LGSN: variants seen among roughly 807,000 people sequenced by gnomAD.
LGSN encodes lengsin, lens protein with glutamine synthetase domain.
LGSN carries 21 observed loss-of-function variants against 19.5 expected under a neutral mutation model. That is an observed-to-expected ratio of 1.07 (90% CI 0.76 to 1.55). The LOEUF (loss-of-function observed/expected upper bound fraction) is 1.55. Among genes scored for constraint, LGSN ranks in the 40% most tolerant of loss-of-function variants. The probability of loss-of-function intolerance (pLI) is 0.00; values close to 1 mark genes in which losing one functional copy is unlikely to be tolerated. For synonymous variants in LGSN, 257 were observed against 215.6 expected (o/e 1.19, Z -1.68); for missense variants, 673 against 608.5 (o/e 1.11, Z -1.12).
the LGSN span, among the ~76,000 whole-genome samples, chr6:63,487,468 C>T: frequency 3.3e-5 from 5 of 152,184 alleles, no homozygotes; most frequent in Non-Finnish European, 5.9e-5. Context: ...GCTTGGAAGA[C>T]ATCCAAAAAT....
the LGSN span, among the ~76,000 whole-genome samples, chr6:63,328,312 T>A: frequency 6.6e-6 from 1 of 152,216 alleles, no homozygotes; most frequent in East Asian, 1.9e-4. Flanking sequence ...CTATAATTTG[T>A]TGGCAGTCAT....
chr6:63,434,254 C>G, the LGSN span, among the ~76,000 whole-genome samples: 2 of 151,898 alleles, frequency 1.3e-5, no homozygotes, highest in African/African-American at 4.8e-5. Flanking sequence ...GCCTGGCCAA[C>G]ATGGTGAAAC....
chr6:63,517,445 T>G, the LGSN span, among the ~76,000 whole-genome samples: 1 of 152,064 alleles, frequency 6.6e-6, no homozygotes, highest in Non-Finnish European at 1.5e-5. Flanking sequence ...AAAAAGAAAT[T>G]TAAAATGGAA....
the LGSN span, among the ~76,000 whole-genome samples, chr6:63,442,362 G>A: frequency 6.6e-6 from 1 of 152,164 alleles, no homozygotes; most frequent in Non-Finnish European, 1.5e-5. Flanking sequence ...TGCTAGCTCG[G>A]GCAGCCTGCT....
At chr6:63,311,502 G>C (rs983314970) in intron 1 of LGSN, among the ~76,000 whole-genome samples, 1 of 152,062 alleles carries the variant, frequency 6.6e-6, no homozygotes, top group Non-Finnish European at 1.5e-5. Context: ...GATTTATTTG[G>C]AGCATTGTCC....
the LGSN span, among the ~76,000 whole-genome samples, chr6:63,422,985 A>G: frequency 3.9e-5 from 6 of 152,328 alleles, no homozygotes; most frequent in South Asian, 8.3e-4. Context: ...ATAGTTTGAA[A>G]GTAAAATGAT....
the LGSN span, among the ~76,000 whole-genome samples, chr6:63,370,672 C>T: frequency 6.6e-6 from 1 of 152,176 alleles, no homozygotes; most frequent in African/African-American, 2.4e-5. Flanking sequence ...CCACCCCCAG[C>T]TGAGGCCTGG....
the LGSN span, among the ~76,000 whole-genome samples, chr6:63,501,665 A>C: frequency 1.4e-3 from 217 of 152,330 alleles, no homozygotes; most frequent in African/African-American, 4.9e-3. Flanking sequence ...CTCCTAACAA[A>C]TATAACAAAG....
chr6:63,324,194 C>A (rs1166693766), upstream of LGSN, among the ~76,000 whole-genome samples: 2 of 152,158 alleles, frequency 1.3e-5, no homozygotes, highest in Non-Finnish European at 2.9e-5. Context: ...ATAATTTTGA[C>A]CTCACAGTCT....
At chr6:63,406,043 T>A in the LGSN span, among the ~76,000 whole-genome samples, 1 of 152,142 alleles carries the variant, frequency 6.6e-6, no homozygotes, top group African/African-American at 2.4e-5. Flanking sequence ...CTGAGTGACC[T>A]ACAAAGAGAC....
At chr6:63,555,589 TCA>T in the LGSN span, among the ~76,000 whole-genome samples, 1 of 152,164 alleles carries the variant, frequency 6.6e-6, no homozygotes, top group Non-Finnish European at 1.5e-5. Context: ...GGATTTTGTC[TCA>T]CTGCATGACA....
chr6:63,295,981 T>A (rs1231520549), intron 1 of LGSN, among the ~76,000 whole-genome samples: 1 of 152,218 alleles, frequency 6.6e-6, no homozygotes, highest in Non-Finnish European at 1.5e-5. Context: ...GCTTAGTATC[T>A]TTTTGAAAAG....
At chr6:63,412,466 A>AAGGAAGGAAAGAAAG in the LGSN span, among the ~76,000 whole-genome samples, 2 of 124,018 alleles carry the variant, frequency 1.6e-5, no homozygotes, top group South Asian at 5.0e-4. Flanking sequence ...AAGAAAGAAA[A>AAGGAAGGAAAGAAAG]AGAGAGAGAA....
At chr6:63,308,959 GTA>G (rs1055910764) in intron 1 of LGSN, among the ~76,000 whole-genome samples, 3 of 152,094 alleles carry the variant, frequency 2.0e-5, no homozygotes, top group African/African-American at 7.2e-5. Flanking sequence ...AAAAATATCC[GTA>G]CCTATTAACC....
chr6:63,438,425 G>T, the LGSN span, among the ~76,000 whole-genome samples: 3 of 152,122 alleles, frequency 2.0e-5, no homozygotes, highest in Non-Finnish European at 4.4e-5. Context: ...GCAACCTACA[G>T]AATGGGAGAA....
intron 1 of LGSN, among the ~76,000 whole-genome samples, chr6:63,315,739 C>A (rs930010820): frequency 6.7e-6 from 1 of 150,002 alleles, no homozygotes; most frequent in Admixed American, 6.7e-5. Context: ...ATAAATGCAG[C>A]AACTTGACTG....
chr6:63,503,449 G>A, the LGSN span, among the ~76,000 whole-genome samples: 1 of 152,186 alleles, frequency 6.6e-6, no homozygotes, highest in African/African-American at 2.4e-5. Context: ...ATGGCTTCAC[G>A]TTGACAAAAT....
the LGSN span, among the ~76,000 whole-genome samples, chr6:63,542,417 C>T: frequency 6.6e-6 from 1 of 151,860 alleles, no homozygotes; most frequent in African/African-American, 2.4e-5. Context: ...CCCCAATAAC[C>T]TATGGAAATA....
At chr6:63,334,376 A>T in the LGSN span, among the ~76,000 whole-genome samples, 3 of 152,304 alleles carry the variant, frequency 2.0e-5, no homozygotes, top group East Asian at 5.8e-4. Flanking sequence ...ATAGCTACAA[A>T]AAAAACTAGA....
Sources: allele counts gnomAD v4.1 joint callset (sites outside exome capture counted in the v4.1 genomes callset), GRCh38; gene constraint gnomAD v4.1.1; transcripts MANE v1.5; gene names NCBI Gene and HGNC (gene_info 2026-07-23, HGNC 2026-07-21).